The following PDE4D variants were observed in gnomAD, a reference collection of about 807,000 sequenced individuals.
The protein encoded by PDE4D is 3',5'-cyclic-AMP phosphodiesterase 4D.
In PDE4D, 24 loss-of-function variants were observed where a neutral mutation model predicts 87.4. That is an observed-to-expected ratio of 0.27 (90% CI 0.20 to 0.39). The LOEUF (loss-of-function observed/expected upper bound fraction) is 0.39. PDE4D is among the 10% of genes least tolerant of loss of function. The pLI is 1.00. For missense variants in PDE4D, 714 were observed against 1,041.0 expected, an observed-to-expected ratio of 0.69 and a Z score of 4.32; for synonymous variants, 384 against 383.2, an observed-to-expected ratio of 1.00 and a Z score of -0.02.
At chr5:59,393,755 G>A (rs933045290) in intron 1 of PDE4D, among the ~76,000 whole-genome samples, 3 of 152,188 alleles carry the variant, frequency 2.0e-5, no homozygotes, top group African/African-American at 7.2e-5. Context: ...CAGACACCAT[G>A]CAAAACTCAT....
intron 1 of PDE4D, among the ~76,000 whole-genome samples, chr5:59,271,542 A>G (rs1763849117): frequency 6.6e-6 from 1 of 152,116 alleles, no homozygotes; most frequent in Non-Finnish European, 1.5e-5. Context: ...TTTAGCTTAT[A>G]TGAATGCTTT....
At chr5:59,836,821 G>T (rs1742190529) in intron 1 of PDE4D, among the ~76,000 whole-genome samples, 1 of 151,970 alleles carries the variant, frequency 6.6e-6, no homozygotes, top group Non-Finnish European at 1.5e-5. Context: ...TAAGTGTTTT[G>T]TGTCGATATG....
Position 58,974,770 on chromosome 5 carries a change from G to C in PDE4D, c.2324C>G (p.Ser775Cys). Residue 775 changes from serine to cysteine, a missense_variant, in exon 15 of 15, where the codon TCT becomes TGT. Around this residue, in one of 7 missense-constraint regions of PDE4D, gnomAD observed 90 missense variants for 95.3 expected, o/e 0.94. Coordinates refer to ENST00000340635, the MANE Select transcript of PDE4D (RefSeq NM_001104631.2). ...CTGTTCATCAAGGGGAATTTCAGTA[G>C]ACTCTGAGTCTTGAGTACAAAGAGT... ...SKTLCTQDSE[S>C]TEIPLDEQVE... 6.2e-7 allele frequency: 1 copy of C among 1,613,604 alleles called. No individual in the cohort carries two copies. Among genetic ancestry groups the C allele is most frequent in the Non-Finnish European group, 8.5e-7 (1 of 1,179,630 alleles).
intron 5 of PDE4D, among the ~76,000 whole-genome samples, chr5:59,148,386 T>C (rs945997635): frequency 9.2e-5 from 14 of 152,176 alleles, no homozygotes; most frequent in African/African-American, 3.4e-4. Context: ...AACCTTCAAG[T>C]TGTTGTTTCT....
intron 1 of PDE4D, among the ~76,000 whole-genome samples, chr5:59,481,749 C>T (rs1804296794): frequency 6.6e-6 from 1 of 151,938 alleles, no homozygotes; most frequent in Non-Finnish European, 1.5e-5. Context: ...GACCACAGTC[C>T]CTTTGTTGAA....
At chr5:60,368,213 G>C (rs1760717588) in intron 1 of PDE4D, among the ~76,000 whole-genome samples, 1 of 152,138 alleles carries the variant, frequency 6.6e-6, no homozygotes, top group African/African-American at 2.4e-5. Flanking sequence ...CAGACAGAAG[G>C]CTTGTGTTCT....
At chr5:60,517,195 C>A (rs374953315) in intron 1 of PDE4D, among the ~76,000 whole-genome samples, 2 of 152,342 alleles carry the variant, frequency 1.3e-5, no homozygotes, top group South Asian at 4.1e-4. Flanking sequence ...TGCCTCGGCC[C>A]CCTCCAGACT....
intron 1 of PDE4D, among the ~76,000 whole-genome samples, chr5:60,407,129 G>A (rs1025189449): frequency 6.6e-6 from 1 of 152,188 alleles, no homozygotes; most frequent in African/African-American, 2.4e-5. Context: ...AAGTTCTGAT[G>A]AGGAGCTGCT....
chr5:59,363,245 C>A (rs966539519), intron 1 of PDE4D, among the ~76,000 whole-genome samples: 1 of 152,146 alleles, frequency 6.6e-6, no homozygotes, highest in Non-Finnish European at 1.5e-5. Flanking sequence ...TGAAAGTGTT[C>A]TGAAGACTCT....
intron 1 of PDE4D, among the ~76,000 whole-genome samples, chr5:59,870,441 A>G (rs1484394761): frequency 6.6e-6 from 1 of 152,244 alleles, no homozygotes; most frequent in Non-Finnish European, 1.5e-5. Context: ...TCAAAAGCTG[A>G]AAAAATAAGT....
intron 1 of PDE4D, among the ~76,000 whole-genome samples, chr5:60,337,351 CTA>C (rs748923956): frequency 0.011 from 709 of 62,140 alleles, 13 homozygotes; most frequent in East Asian, 0.032. Context: ...AACAAACAAA[CTA>C]TATATATATA....
intron 1 of PDE4D, among the ~76,000 whole-genome samples, chr5:59,532,743 GAT>G (rs1190222346): frequency 2.0e-5 from 3 of 152,158 alleles, no homozygotes; most frequent in Non-Finnish European, 2.9e-5. Context: ...TGCTGAAAAA[GAT>G]ATATGGGAAA....
At chr5:59,885,727 T>TG (rs1331922355) in intron 1 of PDE4D, among the ~76,000 whole-genome samples, 1 of 114,162 alleles carries the variant, frequency 8.8e-6, no homozygotes, top group African/African-American at 3.0e-5. Context: ...TCTTACATGT[T>TG]GTTTTTTTTT....
intron 1 of PDE4D, among the ~76,000 whole-genome samples, chr5:59,793,822 G>A (rs1270579378): frequency 1.3e-5 from 2 of 152,068 alleles, no homozygotes; most frequent in African/African-American, 2.4e-5. Flanking sequence ...CCCCTTAGGG[G>A]CTCATAGATT....
intron 1 of PDE4D, among the ~76,000 whole-genome samples, chr5:59,605,278 C>A (rs1828038199): frequency 6.6e-6 from 1 of 151,924 alleles, no homozygotes; most frequent in Admixed American, 6.6e-5. Context: ...TTTTTTCTAT[C>A]CATTGGAAAT....
intron 1 of PDE4D, chr5:60,460,769 C>A: frequency 1.6e-6 from 1 of 607,332 alleles, no homozygotes. Flanking sequence ...AACCAGACCA[C>A]AAGTCTCCTT....
chr5:60,274,339 CGTTGTTGTTGTT>C (rs34740331), intron 1 of PDE4D, among the ~76,000 whole-genome samples: 4 of 150,166 alleles, frequency 2.7e-5, no homozygotes, highest in East Asian at 2.0e-4. Context: ...TGGTTCTTGT[CGTTGTTGTTGTT>C]GTTGTTGTTG....
intron 1 of PDE4D, among the ~76,000 whole-genome samples, chr5:59,767,337 A>T (rs1279552754): frequency 6.6e-6 from 1 of 152,176 alleles, no homozygotes; most frequent in South Asian, 2.1e-4. Flanking sequence ...CTACTACCTG[A>T]AATTATCTAA....
intron 1 of PDE4D, among the ~76,000 whole-genome samples, chr5:59,553,558 C>T (rs1190945730): frequency 6.6e-6 from 1 of 152,170 alleles, no homozygotes; most frequent in Non-Finnish European, 1.5e-5. Context: ...AACAGAGACA[C>T]TCCTCAACTT....
Sources: allele counts gnomAD v4.1 joint callset (sites outside exome capture counted in the v4.1 genomes callset), GRCh38; gene constraint gnomAD v4.1.1; regional missense constraint gnomAD v4.1.1; transcripts MANE v1.5; gene names NCBI Gene and HGNC (gene_info 2026-07-23, HGNC 2026-07-21).